LUZP2: variants seen among roughly 807,000 people sequenced by gnomAD.
LUZP2 encodes the protein leucine zipper protein 2.
In LUZP2, 52 loss-of-function variants were observed where a neutral mutation model predicts 51.6. The ratio of observed to expected loss-of-function variants is 1.01; its 90% CI spans 0.81 to 1.27. The LOEUF (loss-of-function observed/expected upper bound fraction) is 1.27. LUZP2 is among the 50% of genes most tolerant of loss of function. The pLI is 0.00. For synonymous variants in LUZP2, 154 were observed against 137.3 expected, an observed-to-expected ratio of 1.12 and a Z score of -0.85; for missense variants, 436 against 395.4, an observed-to-expected ratio of 1.10 and a Z score of -0.87.
At chr11:24,779,109 G>A (rs1849019821) in intron 5 of LUZP2, among the ~76,000 whole-genome samples, 1 of 152,014 alleles carries the variant, frequency 6.6e-6, no homozygotes, top group Non-Finnish European at 1.5e-5. Flanking sequence ...AATTAACCAA[G>A]ATTATTTAAG....
chr11:24,941,648 T>C (rs1854749440), intron 7 of LUZP2, among the ~76,000 whole-genome samples: 2 of 152,192 alleles, frequency 1.3e-5, no homozygotes, highest in African/African-American at 4.8e-5. Context: ...AGCACCATCA[T>C]TTGTACTCTT....
chr11:24,941,643 C>T (rs116369916), intron 7 of LUZP2, among the ~76,000 whole-genome samples: 1,606 of 152,198 alleles, frequency 0.011, 23 homozygotes, highest in African/African-American at 0.037. Context: ...TCCAAAGCAC[C>T]ATCATTTGTA....
At chr11:24,769,900 C>A (rs1398912963) in intron 5 of LUZP2, among the ~76,000 whole-genome samples, 2 of 152,062 alleles carry the variant, frequency 1.3e-5, no homozygotes, top group Non-Finnish European at 2.9e-5. Flanking sequence ...TCAAGCAATT[C>A]TCTTGCCCCA....
chr11:24,753,170 C>T (rs1170317951), intron 4 of LUZP2, among the ~76,000 whole-genome samples: 1 of 152,012 alleles, frequency 6.6e-6, no homozygotes, highest in African/African-American at 2.4e-5. Flanking sequence ...TGAACATAAG[C>T]AGATACATAG....
At chr11:24,963,085 TGAACCGC>T (rs1462404371) in intron 7 of LUZP2, among the ~76,000 whole-genome samples, 2 of 152,186 alleles carry the variant, frequency 1.3e-5, no homozygotes, top group African/African-American at 4.8e-5. Context: ...CGGTTTTTCG[TGAACCGC>T]GAATGCTGCT....
chr11:24,649,566 G>C (rs1354619768), intron 1 of LUZP2, among the ~76,000 whole-genome samples: 1 of 151,978 alleles, frequency 6.6e-6, no homozygotes, highest in Non-Finnish European at 1.5e-5. Context: ...TAATGACATT[G>C]AAGTCTGAGC....
chr11:24,553,420 T>C (rs1331646300), intron 1 of LUZP2, among the ~76,000 whole-genome samples: 2 of 151,814 alleles, frequency 1.3e-5, no homozygotes, highest in Admixed American at 6.6e-5. Flanking sequence ...TAAGAAAAGC[T>C]GAAAAAAAGG....
intron 6 of LUZP2, among the ~76,000 whole-genome samples, chr11:24,910,545 C>A (rs780887413): frequency 3.9e-5 from 6 of 152,160 alleles, no homozygotes; most frequent in Non-Finnish European, 7.3e-5. Flanking sequence ...ACATCTCAGA[C>A]CATTAATTCA....
intron 5 of LUZP2, among the ~76,000 whole-genome samples, chr11:24,888,450 G>T (rs1170602775): frequency 6.6e-6 from 1 of 152,014 alleles, no homozygotes; most frequent in South Asian, 2.1e-4. Flanking sequence ...AAGCCATATT[G>T]CAAATATGAT....
chr11:24,902,689 A>G (rs927424377), intron 5 of LUZP2, among the ~76,000 whole-genome samples: 1 of 152,206 alleles, frequency 6.6e-6, no homozygotes, highest in African/African-American at 2.4e-5. Context: ...TCAATGAAAT[A>G]AATAGTATGC....
chr11:24,932,777 C>A (rs115763791), intron 7 of LUZP2, among the ~76,000 whole-genome samples: 1 of 152,164 alleles, frequency 6.6e-6, no homozygotes, highest in Admixed American at 6.5e-5. Flanking sequence ...CCCTGCCTGC[C>A]GCAGCTTCTG....
intron 1 of LUZP2, among the ~76,000 whole-genome samples, chr11:24,602,279 TAC>T (rs1491384746): frequency 7.1e-6 from 1 of 140,590 alleles, no homozygotes; most frequent in African/African-American, 2.9e-5. Context: ...CATACATATA[TAC>T]ACACATATAT....
At chr11:25,046,489 A>T (rs1205754609) in intron 9 of LUZP2, among the ~76,000 whole-genome samples, 1 of 152,112 alleles carries the variant, frequency 6.6e-6, no homozygotes, top group Non-Finnish European at 1.5e-5. Context: ...CCCTAATTTT[A>T]CCTTCTCTTA....
chr11:24,789,748 A>G (rs911842476), intron 5 of LUZP2, among the ~76,000 whole-genome samples: 1 of 152,130 alleles, frequency 6.6e-6, no homozygotes, highest in African/African-American at 2.4e-5. Flanking sequence ...CAAAGATGAC[A>G]CCTCTTGCTG....
At chr11:24,996,856 A>G (rs1382641809) in intron 9 of LUZP2, among the ~76,000 whole-genome samples, 1 of 151,882 alleles carries the variant, frequency 6.6e-6, no homozygotes, top group Non-Finnish European at 1.5e-5. Context: ...TCTATCAGTA[A>G]GAATATGCGG....
At chr11:24,793,885 A>G (rs1849474781) in intron 5 of LUZP2, among the ~76,000 whole-genome samples, 1 of 151,922 alleles carries the variant, frequency 6.6e-6, no homozygotes, top group Admixed American at 6.6e-5. Flanking sequence ...AGTTATATTT[A>G]TATACATTTT....
intron 1 of LUZP2, among the ~76,000 whole-genome samples, chr11:24,523,603 A>C (rs1228408492): frequency 3.3e-5 from 5 of 151,148 alleles, no homozygotes; most frequent in African/African-American, 4.8e-5. Flanking sequence ...TTTGTCAGGT[A>C]GTACATTTAG....
intron 1 of LUZP2, among the ~76,000 whole-genome samples, chr11:24,632,348 A>G (rs775740859): frequency 2.0e-4 from 31 of 151,974 alleles, no homozygotes; most frequent in Non-Finnish European, 3.7e-4. Flanking sequence ...TTTTTACACA[A>G]ATAATTTGAA....
chr11:24,605,535 A>G (rs1156673731), intron 1 of LUZP2, among the ~76,000 whole-genome samples: 1 of 151,722 alleles, frequency 6.6e-6, no homozygotes, highest in Admixed American at 6.6e-5. Flanking sequence ...TATTTCTCTT[A>G]AGAATTATGG....
Sources: gnomAD v4.1 joint callset for allele counts (sites outside exome capture counted in the v4.1 genomes callset) on GRCh38, gnomAD v4.1.1 for gene constraint, MANE v1.5 for transcripts, NCBI Gene and HGNC (gene_info 2026-07-23, HGNC 2026-07-21) for gene names.